Variants in PLEKHA7 observed in about 807,000 individuals in gnomAD.
PLEKHA7 encodes the protein pleckstrin homology domain-containing family A member 7.
PLEKHA7 carries 104 observed loss-of-function variants against 170.0 expected under a neutral mutation model. The ratio of observed to expected loss-of-function variants is 0.61; its 90% CI spans 0.52 to 0.72. The LOEUF is 0.72. Ranked by LOEUF, PLEKHA7 falls within the 30% of genes least tolerant of loss-of-function variation. The pLI is 0.00. For synonymous variants in PLEKHA7, 648 were observed against 660.8 expected, an observed-to-expected ratio of 0.98 and a Z score of 0.30; for missense variants, 1,615 against 1,671.7, an observed-to-expected ratio of 0.97 and a Z score of 0.59.
intron 3 of PLEKHA7, among the ~76,000 whole-genome samples, chr11:16,876,610 C>A (rs1855313504): frequency 6.6e-6 from 1 of 152,138 alleles, no homozygotes; most frequent in South Asian, 2.1e-4. Flanking sequence ...TTGGGTTAAG[C>A]CCTAAAGAAG....
chr11:16,953,299 C>A (rs1861515604), intron 3 of PLEKHA7, among the ~76,000 whole-genome samples: 1 of 152,200 alleles, frequency 6.6e-6, no homozygotes, highest in Admixed American at 6.5e-5. Context: ...ATGCCTTGTA[C>A]TGATTAACCA....
At chr11:16,852,851 C>T (rs1853092604) in intron 6 of PLEKHA7, among the ~76,000 whole-genome samples, 1 of 152,164 alleles carries the variant, frequency 6.6e-6, no homozygotes. Context: ...GTTTTCCTTC[C>T]ATTCAATATA....
chr11:16,980,809 C>T (rs984496085), intron 3 of PLEKHA7, among the ~76,000 whole-genome samples: 2 of 152,120 alleles, frequency 1.3e-5, no homozygotes, highest in Admixed American at 1.3e-4. Context: ...ATCGCTTGAA[C>T]CCGGGAGGCG....
At chr11:16,784,644 T>C (rs1343029502) in intron 24 of PLEKHA7, among the ~76,000 whole-genome samples, 2 of 152,200 alleles carry the variant, frequency 1.3e-5, no homozygotes, top group Non-Finnish European at 2.9e-5. Flanking sequence ...CCAGGAACTT[T>C]TTCCTCCCTG....
intron 26 of PLEKHA7, among the ~76,000 whole-genome samples, chr11:16,781,622 C>T (rs1477506640): frequency 3.3e-5 from 5 of 152,172 alleles, no homozygotes; most frequent in Non-Finnish European, 5.9e-5. Context: ...GGACAGAGGA[C>T]AGCCAAGATT....
chr11:16,789,416 G>T lies in PLEKHA7; in HGVS notation c.3157-120C>A. 1.0e-6 allele frequency: 1 copy of T among 955,938 alleles called. No homozygotes were observed. Among genetic ancestry groups the T allele is most frequent in the Non-Finnish European group, 1.6e-6 (1 of 624,268 alleles). The allele number at this position is 955,938 out of a possible 1,614,324, so 59.2% of individuals were successfully genotyped here. On this transcript the variant is annotated intron_variant, in intron 22 of 26. Transcript: ENST00000531066. This position sits in a 1 kb window ranked among gnomAD's most constrained non-coding sequence, Gnocchi z 4.6. ...TCTCACACACATGCACACTCTAGTT[G>T]GGCTCCTCTTGGCCTTAGAGAACTA...
At chr11:16,885,274 G>A (rs907702478) in intron 3 of PLEKHA7, among the ~76,000 whole-genome samples, 6 of 151,266 alleles carry the variant, frequency 4.0e-5, no homozygotes, top group South Asian at 2.1e-4. Flanking sequence ...AGGTTGCAGC[G>A]AGCCAAGATC....
chr11:17,006,761 G>A lies in PLEKHA7; in HGVS notation c.221+7228C>T, dbSNP rs188390385. Among the ~76,000 whole-genome samples the A allele has an allele frequency of 2.1e-3, 314 of 152,264 alleles. 2 individuals carry two copies. Among genetic ancestry groups the A allele is most frequent in the African/African-American group, 7.2e-3 (301 of 41,556 alleles). ...AGAAGACAGGACAGACTCCTTCCTAGGGGTGGCCCAGAAGACTGTCGGTTG... is the reference window on the plus strand; with the variant it reads ...AGAAGACAGGACAGACTCCTTCCTAAGGGTGGCCCAGAAGACTGTCGGTTG... On this transcript the variant is annotated intron_variant, in intron 3 of 26. Coordinates refer to ENST00000531066, the MANE Select transcript of PLEKHA7 (RefSeq NM_001329630.2).
At chr11:16,800,737 T>C (rs1848539235) in intron 17 of PLEKHA7, among the ~76,000 whole-genome samples, 1 of 152,116 alleles carries the variant, frequency 6.6e-6, no homozygotes, top group Non-Finnish European at 1.5e-5. Context: ...GAGCTTGTCT[T>C]TGAGAGCAGC....
At chr11:16,983,857 G>C (rs1254642222) in intron 3 of PLEKHA7, among the ~76,000 whole-genome samples, 1 of 152,132 alleles carries the variant, frequency 6.6e-6, no homozygotes, top group Non-Finnish European at 1.5e-5. Flanking sequence ...AAGGCACCCA[G>C]GTCCATCTTT....
At chr11:16,787,024 T>C in intron 23 of PLEKHA7, 1 of 985,224 alleles carries the variant, frequency 1.0e-6, no homozygotes, top group Admixed American at 6.1e-5. Flanking sequence ...TCATATAAAA[T>C]TGAAATGCTA....
At chr11:16,854,802 C>T (rs1853291557) in intron 6 of PLEKHA7, 87 bp downstream of exon 6, 2 of 1,140,420 alleles carry the variant, frequency 1.8e-6, no homozygotes, top group African/African-American at 1.5e-5. Context: ...AGCTTATGTG[C>T]CCATCCCTAG....
rs1849404617 is a variant in PLEKHA7, at chr11:16,786,493, C to T, written c.3358-106G>A. ...CCTTTGGAAGATGAACCTGTGATCC[C>T]CTTAGGGAAAAGCTGTATGTGCAAT... On this transcript the variant is annotated intron_variant, in intron 23 of 26. Coordinates refer to ENST00000531066, the MANE Select transcript of PLEKHA7 (RefSeq NM_001329630.2). 4 of 1,499,070 alleles carry T rather than the reference C, an allele frequency of 2.7e-6. No individual in the cohort carries two copies. The Admixed American group carries it at 8.3e-5, about 31-fold the overall frequency. 92.9% of individuals were successfully genotyped at this position (1,499,070 alleles called of 1,614,324 possible).
chr11:16,898,337 C>G (rs1857123135), intron 3 of PLEKHA7, among the ~76,000 whole-genome samples: 1 of 152,122 alleles, frequency 6.6e-6, no homozygotes, highest in South Asian at 2.1e-4. Flanking sequence ...TTCAAAAGGT[C>G]TGGTATATTT....
intron 3 of PLEKHA7, among the ~76,000 whole-genome samples, chr11:16,961,685 G>A (rs1862069943): frequency 6.6e-6 from 1 of 152,222 alleles, no homozygotes; most frequent in Admixed American, 6.5e-5. Flanking sequence ...ATTCTGGCAG[G>A]GCCCGGTGTG....
chr11:16,780,074 C>T (rs1460074930), intron 26 of PLEKHA7, among the ~76,000 whole-genome samples: 1 of 152,100 alleles, frequency 6.6e-6, no homozygotes, highest in Non-Finnish European at 1.5e-5. Context: ...ACAATGTTAA[C>T]CACAAGTATA....
At chr11:16,845,027 CAAG>C (rs1163927846) in intron 8 of PLEKHA7, among the ~76,000 whole-genome samples, 8 of 152,332 alleles carry the variant, frequency 5.3e-5, no homozygotes, top group African/African-American at 1.9e-4. Context: ...TAAGTGTCAT[CAAG>C]AAGGTCAGGA....
At chr11:16,962,160 T>A (rs1349026175) in intron 3 of PLEKHA7, among the ~76,000 whole-genome samples, 4 of 152,220 alleles carry the variant, frequency 2.6e-5, no homozygotes, top group Non-Finnish European at 5.9e-5. Context: ...CTGATGTACA[T>A]GGTGGCAAAG....
At chr11:16,942,452 C>A (rs1416927306) in intron 3 of PLEKHA7, among the ~76,000 whole-genome samples, 1 of 152,212 alleles carries the variant, frequency 6.6e-6, no homozygotes, top group African/African-American at 2.4e-5. Context: ...CTGCTCTGAA[C>A]TCCCAGGAAT....
Sources: allele counts gnomAD v4.1 joint callset (sites outside exome capture counted in the v4.1 genomes callset), GRCh38; gene constraint gnomAD v4.1.1; non-coding constraint Gnocchi (gnomAD v3.1); transcripts MANE v1.5; gene names NCBI Gene and HGNC (gene_info 2026-07-23, HGNC 2026-07-21).